Variants in OSTN observed in about 807,000 individuals in gnomAD.
OSTN encodes the protein osteocrin.
Under a neutral mutation model 12.0 loss-of-function variants are expected in OSTN, and 9 were observed. The ratio of observed to expected loss-of-function variants is 0.75; its 90% CI spans 0.45 to 1.30. The LOEUF (loss-of-function observed/expected upper bound fraction) is 1.30. OSTN is among the 50% of genes most tolerant of loss of function. The probability of loss-of-function intolerance (pLI) is 0.00; values close to 1 mark genes in which losing one functional copy is unlikely to be tolerated. For synonymous variants in OSTN, 59 were observed against 56.9 expected, an observed-to-expected ratio of 1.04 and a Z score of -0.16; for missense variants, 148 against 152.3, an observed-to-expected ratio of 0.97 and a Z score of 0.15.
At chr3:191,204,240 T>C (rs952878964) in intron 1 of OSTN, among the ~76,000 whole-genome samples, 3 of 152,166 alleles carry the variant, frequency 2.0e-5, no homozygotes, top group African/African-American at 2.4e-5. Flanking sequence ...CAATGTCAGC[T>C]TGCTCCTTTT....
At chr3:191,232,601 C>CT (rs372681131) in intron 3 of OSTN, among the ~76,000 whole-genome samples, 22,131 of 134,098 alleles carry the variant, frequency 0.17, 2,299 homozygotes, top group South Asian at 0.22. Flanking sequence ...GTGACTAAAT[C>CT]ATTTTTTTTT....
intron 3 of OSTN, among the ~76,000 whole-genome samples, chr3:191,221,827 A>T (rs1182417670): frequency 6.6e-6 from 1 of 152,372 alleles, no homozygotes; most frequent in South Asian, 2.1e-4. Flanking sequence ...TCTCCAGGGC[A>T]TGTCAGAAGT....
chr3:191,218,625 A>T (rs1714683101), intron 2 of OSTN, 122 bp from the exon 3 acceptor site: 2 of 792,040 alleles, frequency 2.5e-6, no homozygotes, highest in Non-Finnish European at 2.0e-6. Context: ...CTTTGTCTCA[A>T]AAAAATTGTA....
chr3:191,220,709 G>A (rs1483844538), intron 3 of OSTN, among the ~76,000 whole-genome samples: 2 of 152,078 alleles, frequency 1.3e-5, no homozygotes, highest in Admixed American at 6.6e-5. Context: ...GAATAGTTGA[G>A]CTTTTAGAGA....
intron 3 of OSTN, among the ~76,000 whole-genome samples, chr3:191,239,218 G>C (rs1715267988): frequency 6.6e-6 from 1 of 152,214 alleles, no homozygotes; most frequent in Non-Finnish European, 1.5e-5. Context: ...TGTGGGAGCG[G>C]GCCTGAGCAA....
intron 2 of OSTN, among the ~76,000 whole-genome samples, chr3:191,215,574 T>A (rs1398859374): frequency 6.6e-6 from 1 of 152,222 alleles, no homozygotes; most frequent in Non-Finnish European, 1.5e-5. Context: ...GGTACAGACA[T>A]TGGGCAAATA....
At chr3:191,246,360 C>T (rs570527282) in intron 3 of OSTN, among the ~76,000 whole-genome samples, 25 of 152,106 alleles carry the variant, frequency 1.6e-4, no homozygotes, top group African/African-American at 4.8e-4. Context: ...AATCCCAGAA[C>T]TTTGGGAGGC....
At chr3:191,239,246 G>A (rs1197214851) in intron 3 of OSTN, among the ~76,000 whole-genome samples, 1 of 152,230 alleles carries the variant, frequency 6.6e-6, no homozygotes, top group Non-Finnish European at 1.5e-5. Flanking sequence ...CAAGGGCCCT[G>A]TTATGGAATT....
chr3:191,245,940 G>A (rs570490123), intron 3 of OSTN, among the ~76,000 whole-genome samples: 45 of 151,530 alleles, frequency 3.0e-4, no homozygotes, highest in Non-Finnish European at 4.6e-4. Flanking sequence ...GGTGGTGGGC[G>A]CCTGTAATCC....
chr3:191,209,262 A>T (rs1714360210), intron 1 of OSTN, among the ~76,000 whole-genome samples: 1 of 152,250 alleles, frequency 6.6e-6, no homozygotes, highest in Non-Finnish European at 1.5e-5. Flanking sequence ...AAGAGACATC[A>T]GCAAAATCAG....
chr3:191,223,021 T>A (rs1305602065), intron 3 of OSTN, among the ~76,000 whole-genome samples: 1 of 152,148 alleles, frequency 6.6e-6, no homozygotes, highest in Non-Finnish European at 1.5e-5. Flanking sequence ...AATTTAAATT[T>A]AAAATTAAAT....
chr3:191,218,696 C>G, intron 2 of OSTN, 51 bp from the exon 3 acceptor site: 2 of 1,474,420 alleles, frequency 1.4e-6, no homozygotes, highest in Non-Finnish European at 1.9e-6. Context: ...TATGTACATA[C>G]TTGGAGTCTC....
chr3:191,256,870 C>A (rs1312250579), intron 4 of OSTN, among the ~76,000 whole-genome samples: 2 of 151,962 alleles, frequency 1.3e-5, no homozygotes, highest in Non-Finnish European at 2.9e-5. Flanking sequence ...CTAAACTAGA[C>A]AAAATTACTT....
chr3:191,252,288 A>C (rs1466648403), intron 4 of OSTN, among the ~76,000 whole-genome samples: 3 of 152,094 alleles, frequency 2.0e-5, no homozygotes, highest in Non-Finnish European at 4.4e-5. Flanking sequence ...GATGGTCTCG[A>C]TCTCCTGACC....
chr3:191,241,301 A>T (rs904176300), intron 3 of OSTN, among the ~76,000 whole-genome samples: 5 of 149,140 alleles, frequency 3.4e-5, no homozygotes, highest in African/African-American at 9.8e-5. Flanking sequence ...GGCTCAGCCT[A>T]CCTACCGAGT....
chr3:191,229,044 T>G (rs1013260369), intron 3 of OSTN, among the ~76,000 whole-genome samples: 3 of 152,186 alleles, frequency 2.0e-5, no homozygotes, highest in African/African-American at 7.2e-5. Context: ...GATCTACACC[T>G]ACCAATTTTC....
intron 3 of OSTN, chr3:191,228,915 A>C: frequency 6.6e-6 from 1 of 152,206 alleles, no homozygotes; most frequent in East Asian, 1.9e-4. Flanking sequence ...GGATCTAGAC[A>C]ATTGTCATTA....
Position 191,250,073 on chromosome 3 carries a change from C to A in OSTN, c.354C>A (p.Ile118=), listed in dbSNP as rs201254161. 3.9e-5 allele frequency: 63 copies of A among 1,613,680 alleles called. No homozygotes were observed. The highest frequency in any genetic ancestry group is 5.3e-5 in the Non-Finnish European group (63 of 1,179,770). ...VVDHPKRRFG[I]PMDRIGRNRL... ...ATCATCCAAAAAGGCGATTTGGTAT[C>A]CCCATGGATCGGATTGGTAGAAACC... Residue 118 remains isoleucine, a synonymous_variant, in exon 4 of 5, where the codon ATC becomes ATA. Coordinates refer to ENST00000682035, the MANE Select transcript of OSTN (RefSeq NM_198184.2).
At chr3:191,261,715 GA>G (rs770807051) in intron 4 of OSTN, among the ~76,000 whole-genome samples, 86 of 152,260 alleles carry the variant, frequency 5.6e-4, no homozygotes, top group Non-Finnish European at 1.0e-3. Flanking sequence ...ACGTATTTTT[GA>G]AAGGACGATA....
Sources: allele counts gnomAD v4.1 joint callset (sites outside exome capture counted in the v4.1 genomes callset), GRCh38; gene constraint gnomAD v4.1.1; transcripts MANE v1.5; gene names NCBI Gene and HGNC (gene_info 2026-07-23, HGNC 2026-07-21).